PARD3B: variants seen among roughly 807,000 people sequenced by gnomAD.
The protein encoded by PARD3B is par-3 family cell polarity regulator beta.
PARD3B carries 103 observed loss-of-function variants against 130.2 expected under a neutral mutation model. The observed-to-expected ratio is 0.79, with a 90% CI of 0.67 to 0.93. PARD3B has a LOEUF of 0.93. Ranked by LOEUF, PARD3B falls within the 40% of genes least tolerant of loss-of-function variation. PARD3B has a pLI of 0.00. For synonymous variants in PARD3B, 583 were observed against 553.2 expected (o/e 1.05, Z -0.76); for missense variants, 1,609 against 1,499.2 (o/e 1.07, Z -1.21).
intron 18 of PARD3B, among the ~76,000 whole-genome samples, chr2:205,315,509 A>G (rs925908100): frequency 3.3e-5 from 5 of 152,172 alleles, no homozygotes; most frequent in African/African-American, 1.2e-4. Context: ...GGGTTTCATT[A>G]TCAGAGACTC....
intron 15 of PARD3B, among the ~76,000 whole-genome samples, chr2:205,198,775 A>G (rs2036831155): frequency 6.6e-6 from 1 of 152,080 alleles, no homozygotes; most frequent in Non-Finnish European, 1.5e-5. Context: ...ATTATTGATA[A>G]TAAAGACTGA....
intron 4 of PARD3B, among the ~76,000 whole-genome samples, chr2:205,063,462 C>T (rs1192946387): frequency 6.6e-6 from 1 of 151,812 alleles, no homozygotes; most frequent in Non-Finnish European, 1.5e-5. Context: ...TAGAAAAATG[C>T]TTAGGAGTTT....
intron 2 of PARD3B, among the ~76,000 whole-genome samples, chr2:204,837,349 G>C (rs1460422448): frequency 6.6e-6 from 1 of 150,822 alleles, no homozygotes; most frequent in African/African-American, 2.4e-5. Flanking sequence ...AAATAACTGA[G>C]TTTTATTTCA....
chr2:205,576,853 G>A (rs10469759), intron 22 of PARD3B, among the ~76,000 whole-genome samples: 24,311 of 152,082 alleles, frequency 0.16, 2,095 homozygotes, highest in East Asian at 0.33. Context: ...TTTTTGATTG[G>A]GATTGCATTG....
rs1431460902 is a variant in PARD3B, at chr2:205,585,823, A to C, written c.3261-29633A>C. The stretch of plus-strand genomic sequence containing the variant: ...TAGCTTTGTGGGCTCTTGCAGAAAG[A>C]AAGCCTTGTCAGCACTGTGGATGAT... On this transcript the variant is annotated intron_variant, in intron 22 of 22. Transcript: ENST00000406610. The surrounding 1 kb of genome is among the most constrained non-coding windows in gnomAD (Gnocchi z 5.4). Among the ~76,000 whole-genome samples, 2 of 152,174 alleles carry C rather than the reference A, an allele frequency of 1.3e-5. No homozygotes were observed. The highest frequency in any genetic ancestry group is 2.1e-4 in the South Asian group (1 of 4,820).
At chr2:205,378,090 G>T (rs1445756431) in intron 18 of PARD3B, among the ~76,000 whole-genome samples, 1 of 152,024 alleles carries the variant, frequency 6.6e-6, no homozygotes, top group Non-Finnish European at 1.5e-5. Context: ...CACTTTTAGG[G>T]TTAAAATATG....
intron 21 of PARD3B, among the ~76,000 whole-genome samples, chr2:205,531,469 G>C (rs1456451990): frequency 1.3e-5 from 2 of 152,080 alleles, no homozygotes; most frequent in Non-Finnish European, 2.9e-5. Flanking sequence ...CATATCTCCT[G>C]TCATATTGCA....
chr2:204,917,954 G>GT (rs150619895), intron 2 of PARD3B, among the ~76,000 whole-genome samples: 1,906 of 152,184 alleles, frequency 0.013, 39 homozygotes, highest in African/African-American at 0.043. Flanking sequence ...ATAGTGACAG[G>GT]TTTTTTCTTA....
chr2:205,208,764 C>G lies in PARD3B; in HGVS notation c.2140+15444C>G, dbSNP rs188966141. ...AACATTCCATGCTCATGGGTAGGAACAATCAATATCGTGAAAATGGCCATA... is the reference window on the plus strand; with the variant it reads ...AACATTCCATGCTCATGGGTAGGAAGAATCAATATCGTGAAAATGGCCATA... On this transcript the variant is annotated intron_variant, in intron 15 of 22. Coordinates refer to ENST00000406610, the MANE Select transcript of PARD3B (RefSeq NM_001302769.2). 6.7e-3 allele frequency among the ~76,000 whole-genome samples: 968 copies of G among 144,518 alleles called. 46 individuals are homozygous for G. Among genetic ancestry groups the G allele is most frequent in the African/African-American group, 0.024 (903 of 37,026 alleles). The allele number at this position is 144,518 out of a possible 152,430, so 94.8% of individuals were successfully genotyped here.
intron 18 of PARD3B, among the ~76,000 whole-genome samples, chr2:205,308,887 A>G (rs1367703094): frequency 6.6e-6 from 1 of 152,202 alleles, no homozygotes; most frequent in Non-Finnish European, 1.5e-5. Context: ...TCCAAATTGT[A>G]GTAGGTGCTA....
At chr2:205,222,332 C>T (rs1311630367) in intron 15 of PARD3B, among the ~76,000 whole-genome samples, 2 of 152,114 alleles carry the variant, frequency 1.3e-5, no homozygotes, top group Non-Finnish European at 2.9e-5. Flanking sequence ...GGAATTTGTG[C>T]TTTGAAGTCA....
rs1429575911 is a variant in PARD3B, at chr2:205,341,186, G to A, written c.2630+39485G>A. On this transcript the variant is annotated intron_variant, in intron 18 of 22. Coordinates refer to ENST00000406610, the MANE Select transcript of PARD3B (RefSeq NM_001302769.2). The surrounding 1 kb of genome is among the most constrained non-coding windows in gnomAD (Gnocchi z 4.3). Reference sequence around the variant, plus strand: ...AACCATTATGGGAAACAGTATAGTGGTTTAAAATCTATATTAAAATTAGGA... The same window carrying A: ...AACCATTATGGGAAACAGTATAGTGATTTAAAATCTATATTAAAATTAGGA... 6.6e-6 allele frequency among the ~76,000 whole-genome samples: 1 copy of A among 152,066 alleles called. No individual in the cohort carries two copies. Among genetic ancestry groups the A allele is most frequent in the Non-Finnish European group, 1.5e-5 (1 of 67,978 alleles).
At chr2:204,786,038 C>T (rs986369664) in intron 2 of PARD3B, among the ~76,000 whole-genome samples, 2 of 149,944 alleles carry the variant, frequency 1.3e-5, no homozygotes, top group Non-Finnish European at 2.9e-5. Flanking sequence ...CACTTGAACC[C>T]GGGAGGTGGA....
chr2:204,613,227 T>G (rs2033993053), intron 1 of PARD3B, among the ~76,000 whole-genome samples: 2 of 152,178 alleles, frequency 1.3e-5, no homozygotes, highest in African/African-American at 4.8e-5. Context: ...ATTACAAAGG[T>G]TTGAAATTCT....
In PARD3B at chr2:205,592,831, C is replaced by A. The variant is rs1318885075; in HGVS notation, c.3261-22625C>A. On this transcript the variant is annotated intron_variant, in intron 22 of 22. Transcript: ENST00000406610. The surrounding 1 kb of genome is among the most constrained non-coding windows in gnomAD (Gnocchi z 4.5). ...TTGGCCTCTGAGCTACTTGCCCAAA[C>A]CGAACTCTGTCTTCAAGGTTCCCTT... 6.6e-6 allele frequency among the ~76,000 whole-genome samples: 1 copy of A among 152,208 alleles called. No individual in the cohort carries two copies. Among genetic ancestry groups the A allele is most frequent in the Non-Finnish European group, 1.5e-5 (1 of 68,032 alleles).
At chr2:204,731,128 C>G (rs1326281691) in intron 2 of PARD3B, among the ~76,000 whole-genome samples, 1 of 152,130 alleles carries the variant, frequency 6.6e-6, no homozygotes, top group Non-Finnish European at 1.5e-5. Context: ...GCAAGCTGTT[C>G]CTAGTTTTGT....
intron 2 of PARD3B, among the ~76,000 whole-genome samples, chr2:204,914,066 A>T (rs1159682052): frequency 3.3e-5 from 5 of 152,170 alleles, no homozygotes. Flanking sequence ...CAGAACCTCC[A>T]ACTGGCCTGC....
rs564691076 is a variant in PARD3B, at chr2:205,021,465, C to T, written c.395-26116C>T. 2.6e-5 allele frequency among the ~76,000 whole-genome samples: 4 copies of T among 152,186 alleles called. No homozygotes were observed. Among genetic ancestry groups the T allele is most frequent in the African/African-American group, 9.6e-5 (4 of 41,506 alleles). On this transcript the variant is annotated intron_variant, in intron 3 of 22. Transcript: ENST00000406610. The surrounding 1 kb of genome is among the most constrained non-coding windows in gnomAD (Gnocchi z 4.5). ...GGATTGACTTCCCAACGGCTGCTCA[C>T]ACAGCCTCTGGAAGTGGTAACTTTG... is the stretch of plus-strand genomic sequence containing the variant.
At chr2:204,727,974 CAG>C (rs980829933) in intron 2 of PARD3B, among the ~76,000 whole-genome samples, 2 of 152,052 alleles carry the variant, frequency 1.3e-5, no homozygotes, top group African/African-American at 2.4e-5. Flanking sequence ...AGGCAGCAGT[CAG>C]GGGGCTGGGT....
Sources: allele counts gnomAD v4.1 joint callset (sites outside exome capture counted in the v4.1 genomes callset), GRCh38; gene constraint gnomAD v4.1.1; non-coding constraint Gnocchi (gnomAD v3.1); transcripts MANE v1.5; gene names NCBI Gene and HGNC (gene_info 2026-07-23, HGNC 2026-07-21).